STAMBPL1: variants seen among roughly 807,000 people sequenced by gnomAD.
STAMBPL1 encodes AMSH-like protease.
A neutral mutation model predicts 52.9 loss-of-function variants in STAMBPL1; 44 were observed. That is an observed-to-expected ratio of 0.83 (90% CI 0.65 to 1.07). The LOEUF (loss-of-function observed/expected upper bound fraction) is 1.07. STAMBPL1 is among the 50% of genes least tolerant of loss of function. STAMBPL1 has a pLI of 0.00. For missense variants in STAMBPL1, 511 were observed against 520.8 expected, an observed-to-expected ratio of 0.98 and a Z score of 0.18; for synonymous variants, 164 against 177.3, an observed-to-expected ratio of 0.92 and a Z score of 0.60.
rs1564631905 is a variant in STAMBPL1, at chr10:88,913,258, A to C, written c.578A>C (p.Gln193Pro). The change falls in exon 6 of 11, where the codon CAA (glutamine) becomes CCA (proline). Residue 193 changes from glutamine to proline, a missense_variant. Around this residue, in one of 3 missense-constraint regions of STAMBPL1, gnomAD observed 358 missense variants for 343.5 expected, o/e 1.04. Coordinates refer to ENST00000371926, the MANE Select transcript of STAMBPL1 (RefSeq NM_020799.4). ...QLKKQELARGQMRSQQTSGLS... is the reference protein window; with the variant it reads ...QLKKQELARGPMRSQQTSGLS... Reference sequence around the variant, plus strand: ...AAGAAGCAAGAGTTAGCCCGAGGTCAAATGCGAAGTCAGCAAACCTCAGGG... The same window carrying C: ...AAGAAGCAAGAGTTAGCCCGAGGTCCAATGCGAAGTCAGCAAACCTCAGGG... 2 of 1,613,914 alleles carry C rather than the reference A, an allele frequency of 1.2e-6. No individual in the cohort carries two copies. Among genetic ancestry groups the C allele is most frequent in the Non-Finnish European group, 1.7e-6 (2 of 1,179,862 alleles).
In STAMBPL1 at chr10:88,914,677, A is replaced by AATATAAATATATATGT; in HGVS notation, c.903+24_903+25insAATATATATGTATATA. ...AAAACTGGTATGATCTTTTTATATAAATATATATATATATATATCTGCATA... is the reference window on the plus strand; with the variant it reads ...AAAACTGGTATGATCTTTTTATATAAATATAAATATATATGTATATATATATATATATATCTGCATA... On this transcript the variant is annotated intron_variant, in intron 7 of 10. Transcript: ENST00000371926. 1.2e-6 allele frequency: 1 copy of AATATAAATATATATGT among 851,214 alleles called. No individual in the cohort carries two copies. The highest frequency in any genetic ancestry group is 1.6e-6 in the Non-Finnish European group (1 of 644,074). 52.7% of individuals were successfully genotyped at this position (851,214 alleles called of 1,614,324 possible).
At chr10:88,915,842 T>A (rs1357939999) in intron 7 of STAMBPL1, among the ~76,000 whole-genome samples, 1 of 152,078 alleles carries the variant, frequency 6.6e-6, no homozygotes, top group Non-Finnish European at 1.5e-5. Context: ...GAGCTAGGCC[T>A]GAAGAATACA....
In STAMBPL1 at chr10:88,922,640, A is replaced by T. The variant is rs763268597; in HGVS notation, c.1254+204A>T. Among the ~76,000 whole-genome samples the T allele has an allele frequency of 5.9e-5, 9 of 152,328 alleles. No individual in the cohort carries two copies. The Middle Eastern group carries it at 0.01, about 173-fold the overall frequency. On this transcript the variant is annotated intron_variant, in intron 10 of 10. Coordinates refer to ENST00000371926, the MANE Select transcript of STAMBPL1 (RefSeq NM_020799.4). ...ATTGTATTTACAAGGAAACATCAGT[A>T]TTTCTGTAGCAGAATTAATGGTGCA...
At chr10:88,920,125 A>AATC (rs1432793789) in intron 8 of STAMBPL1, among the ~76,000 whole-genome samples, 1 of 152,210 alleles carries the variant, frequency 6.6e-6, no homozygotes, top group Non-Finnish European at 1.5e-5. Flanking sequence ...TGTTGGGATT[A>AATC]CAGGCATGAG....
intron 1 of STAMBPL1, among the ~76,000 whole-genome samples, chr10:88,890,549 G>A (rs538509132): frequency 6.6e-6 from 1 of 152,290 alleles, no homozygotes; most frequent in African/African-American, 2.4e-5. Context: ...GATTGGATGT[G>A]GGGTTAAGGG....
At chr10:88,919,559 T>G (rs1241044087) in intron 8 of STAMBPL1, among the ~76,000 whole-genome samples, 1 of 152,206 alleles carries the variant, frequency 6.6e-6, no homozygotes, top group Non-Finnish European at 1.5e-5. Context: ...TCCACAGCAC[T>G]GTGGTTTCTT....
At chr10:88,910,551 A>C (rs2133190238) in intron 4 of STAMBPL1, among the ~76,000 whole-genome samples, 1 of 152,298 alleles carries the variant, frequency 6.6e-6, no homozygotes, top group African/African-American at 2.4e-5. Flanking sequence ...TCTAATTCTG[A>C]TGCTACATGA....
In STAMBPL1 at chr10:88,923,329, A is replaced by T; in HGVS notation, c.*105A>T. On this transcript the variant is annotated 3_prime_UTR_variant, in exon 11 of 11. Coordinates refer to ENST00000371926, the MANE Select transcript of STAMBPL1 (RefSeq NM_020799.4). Reference sequence around the variant, plus strand: ...CAGAAATGACTGATATTTTATATTTATACATTTTAGATGACAAAGCTTGAT... The same window carrying T: ...CAGAAATGACTGATATTTTATATTTTTACATTTTAGATGACAAAGCTTGAT... The T allele has an allele frequency of 7.0e-7, 1 of 1,435,996 alleles. No individual in the cohort carries two copies. Among genetic ancestry groups the T allele is most frequent in the East Asian group, 2.7e-5 (1 of 36,958 alleles). The allele number at this position is 1,435,996 out of a possible 1,614,324, so 89.0% of individuals were successfully genotyped here.
chr10:88,913,506 G>T (rs757862006), intron 6 of STAMBPL1, 48 bp downstream of exon 6: 1 of 1,491,266 alleles, frequency 6.7e-7, no homozygotes, highest in Non-Finnish European at 9.1e-7. Flanking sequence ...TCATCGGATG[G>T]AACCATATTT....
intron 7 of STAMBPL1, 143 bp from the exon 8 acceptor site, chr10:88,916,537 G>C: frequency 2.7e-6 from 1 of 374,208 alleles, no homozygotes; most frequent in Non-Finnish European, 4.4e-6. Flanking sequence ...TCCAGGTACA[G>C]GGAGGGATGA....
rs1438884355 is a variant in STAMBPL1 at position 88,880,373 on chromosome 10, G to A, written c.-319G>A. On this transcript the variant is annotated 5_prime_UTR_variant, in exon 1 of 11. Transcript: ENST00000371926. ...CTGCGCTGGGGTGTCCGACAGCGAG[G>A]AGGAGAACGACGCACGGAGCCCGCG... The A allele has an allele frequency of 1.3e-5, 2 of 152,182 alleles. No individual in the cohort carries two copies. The highest frequency in any genetic ancestry group is 4.8e-5 in the African/African-American group (2 of 41,414). 9.4% of individuals were successfully genotyped at this position (152,182 alleles called of 1,614,324 possible).
At chr10:88,913,491 G>C (rs753654855) in intron 6 of STAMBPL1, 33 bp downstream of exon 6, 123 of 1,551,776 alleles carry the variant, frequency 7.9e-5, no homozygotes, top group Non-Finnish European at 1.1e-4. Flanking sequence ...GTGAGACACT[G>C]AGCCTCATCG....
intron 1 of STAMBPL1, among the ~76,000 whole-genome samples, chr10:88,886,964 G>GA (rs1358505999): frequency 6.6e-6 from 1 of 152,184 alleles, no homozygotes; most frequent in African/African-American, 2.4e-5. Flanking sequence ...TTTAACACTA[G>GA]AAATACAGAG....
intron 2 of STAMBPL1, among the ~76,000 whole-genome samples, chr10:88,904,586 A>G (rs1293759796): frequency 6.6e-6 from 1 of 152,236 alleles, no homozygotes; most frequent in African/African-American, 2.4e-5. Context: ...AATGGAAACC[A>G]TATGGCTAGC....
chr10:88,898,448 A>T (rs1456740455), intron 1 of STAMBPL1, among the ~76,000 whole-genome samples: 2 of 152,200 alleles, frequency 1.3e-5, no homozygotes, highest in Non-Finnish European at 2.9e-5. Flanking sequence ...TTGATCTTGC[A>T]ATTGTTTATA....
chr10:88,885,127 G>A (rs1414681755), intron 1 of STAMBPL1, among the ~76,000 whole-genome samples: 1 of 152,130 alleles, frequency 6.6e-6, no homozygotes, highest in East Asian at 1.9e-4. Flanking sequence ...ATCATAGGCT[G>A]GTAAATGATA....
At chr10:88,896,821 C>T (rs969980826) in intron 1 of STAMBPL1, among the ~76,000 whole-genome samples, 1 of 151,880 alleles carries the variant, frequency 6.6e-6, no homozygotes, top group African/African-American at 2.4e-5. Flanking sequence ...GGATTCTGAA[C>T]TTTGCCACAC....
At chr10:88,919,796 A>AT (rs1337255236) in intron 8 of STAMBPL1, among the ~76,000 whole-genome samples, 1 of 146,022 alleles carries the variant, frequency 6.8e-6, no homozygotes, top group East Asian at 2.0e-4. Flanking sequence ...TCATCATCTG[A>AT]TTTTACCTTC....
In STAMBPL1 at chr10:88,887,394, T is replaced by G. The variant is rs114505313; in HGVS notation, c.-54+6756T>G. Among the ~76,000 whole-genome samples the G allele has an allele frequency of 7.1e-3, 1,088 of 152,336 alleles. 12 individuals carry two copies. The highest frequency in any genetic ancestry group is 0.025 in the African/African-American group (1,044 of 41,570). On this transcript the variant is annotated intron_variant, in intron 1 of 10. Transcript: ENST00000371926. ...TATGGCACACGTAGTTATTTTTCTT[T>G]CGTCAAGTATAATATTACTGAATAA...
Sources: gnomAD v4.1 joint callset for allele counts (sites outside exome capture counted in the v4.1 genomes callset) on GRCh38, gnomAD v4.1.1 for gene constraint, gnomAD v4.1.1 regional missense constraint, MANE v1.5 for transcripts, NCBI Gene and HGNC (gene_info 2026-07-23, HGNC 2026-07-21) for gene names.